HDAC9: variants seen among roughly 807,000 people sequenced by gnomAD.
The protein encoded by HDAC9 is MEF-2 interacting transcription repressor (MITR) protein.
A neutral mutation model predicts 139.4 loss-of-function variants in HDAC9; 41 were observed. The ratio of observed to expected loss-of-function variants is 0.29; its 90% confidence interval spans 0.23 to 0.38. The LOEUF (loss-of-function observed/expected upper bound fraction) is 0.38. HDAC9 is among the 10% of genes least tolerant of loss of function. The pLI, the probability that HDAC9 is intolerant of heterozygous loss-of-function variation, is 1.00. For missense variants in HDAC9, 1,147 were observed against 1,297.0 expected, an observed-to-expected ratio of 0.88 and a Z score of 1.78; for synonymous variants, 517 against 476.2, an observed-to-expected ratio of 1.09 and a Z score of -1.12.
At chr7:18,816,081 CT>C (rs1794542407) in intron 17 of HDAC9, among the ~76,000 whole-genome samples, 1 of 152,166 alleles carries the variant, frequency 6.6e-6, no homozygotes, top group East Asian at 1.9e-4. Flanking sequence ...ATACAAATAA[CT>C]GAGCTTGATT....
At chr7:18,961,543 G>A (rs909718923) in intron 24 of HDAC9, among the ~76,000 whole-genome samples, 1 of 152,190 alleles carries the variant, frequency 6.6e-6, no homozygotes, top group Non-Finnish European at 1.5e-5. Context: ...GGAGAAGGCA[G>A]TATCCTCCGG....
At chr7:18,935,735 T>A in intron 22 of HDAC9, 74 bp from the exon 23 acceptor site, 1 of 1,361,938 alleles carries the variant, frequency 7.3e-7, no homozygotes, top group Non-Finnish European at 1.0e-6. Flanking sequence ...TCAAAATACA[T>A]GCTCAATGTT....
intron 1 of HDAC9, among the ~76,000 whole-genome samples, chr7:18,413,355 T>C (rs1040077232): frequency 2.0e-5 from 3 of 152,148 alleles, no homozygotes; most frequent in African/African-American, 7.2e-5. Flanking sequence ...AAGAATTCTT[T>C]GGAACTAATG....
intron 1 of HDAC9, among the ~76,000 whole-genome samples, chr7:18,135,677 C>T (rs1215501468): frequency 7.0e-6 from 1 of 143,574 alleles, no homozygotes; most frequent in Non-Finnish European, 1.5e-5. Context: ...GTATATGTGC[C>T]ACAGTTTCTT....
At chr7:18,178,025 A>G (rs888400653) in intron 2 of HDAC9, among the ~76,000 whole-genome samples, 1 of 151,700 alleles carries the variant, frequency 6.6e-6, no homozygotes. Context: ...AGTGCTATCC[A>G]CTGAACTTCC....
intron 22 of HDAC9, among the ~76,000 whole-genome samples, chr7:18,896,643 C>G (rs1323878737): frequency 1.3e-5 from 2 of 152,024 alleles, no homozygotes; most frequent in Non-Finnish European, 2.9e-5. Context: ...TAACACAAAG[C>G]TTAATAAAAC....
intron 12 of HDAC9, among the ~76,000 whole-genome samples, chr7:18,708,563 G>C (rs1268630048): frequency 6.6e-6 from 1 of 152,150 alleles, no homozygotes; most frequent in Non-Finnish European, 1.5e-5. Context: ...ATAAACAATA[G>C]AGTTTGTACT....
intron 1 of HDAC9, among the ~76,000 whole-genome samples, chr7:18,146,683 C>T (rs12699970): frequency 0.19 from 29,121 of 152,118 alleles, 2,964 homozygotes; most frequent in South Asian, 0.34. Flanking sequence ...TTCGATTCTT[C>T]TTGTATTTAT....
chr7:18,970,069 G>T (rs1028889437), intron 24 of HDAC9, among the ~76,000 whole-genome samples: 1 of 152,040 alleles, frequency 6.6e-6, no homozygotes, highest in African/African-American at 2.4e-5. Context: ...ATCTTGAGAA[G>T]GATAAATTAA....
chr7:18,167,215 T>G (rs573404088), intron 2 of HDAC9, among the ~76,000 whole-genome samples: 4 of 152,158 alleles, frequency 2.6e-5, no homozygotes, highest in Admixed American at 1.3e-4. Flanking sequence ...TTTTACTACT[T>G]TAACTTCACA....
chr7:18,117,104 GT>G lies in HDAC9; in HGVS notation c.-97+29896del, dbSNP rs201419164. Among the ~76,000 whole-genome samples the G allele has an allele frequency of 8.2e-3, 1,241 of 152,192 alleles. 13 individuals carry two copies. The highest frequency in any genetic ancestry group is 0.028 in the African/African-American group (1,169 of 41,514). On this transcript the variant is annotated intron_variant, in intron 1 of 12. Coordinates refer to the HDAC9 transcript ENST00000417496. ...TGAGAGGGTTGTAGTGGGTTGAATT[GT>G]TTTTCCCCAAGAGGTCTGTTTAAAT...
intron 2 of HDAC9, among the ~76,000 whole-genome samples, chr7:18,252,983 C>T (rs1445756777): frequency 6.6e-6 from 1 of 152,164 alleles, no homozygotes; most frequent in East Asian, 1.9e-4. Flanking sequence ...CATTTAGCTC[C>T]CACTTACAAG....
At chr7:18,329,630 GCTCT>G (rs1354570868) in intron 1 of HDAC9, among the ~76,000 whole-genome samples, 2 of 151,406 alleles carry the variant, frequency 1.3e-5, no homozygotes, top group African/African-American at 2.4e-5. Flanking sequence ...GATATTCTGT[GCTCT>G]CTGATTCACA....
intron 22 of HDAC9, among the ~76,000 whole-genome samples, chr7:18,890,676 T>G (rs944346703): frequency 1.3e-5 from 2 of 152,248 alleles, no homozygotes; most frequent in Non-Finnish European, 2.9e-5. Flanking sequence ...ATTGGAATTA[T>G]ACCACATCCA....
At chr7:18,339,513 G>T (rs1249125317) in intron 1 of HDAC9, among the ~76,000 whole-genome samples, 1 of 151,334 alleles carries the variant, frequency 6.6e-6, no homozygotes, top group Non-Finnish European at 1.5e-5. Context: ...TGTACTATGT[G>T]AAGTAATAGA....
rs1368199395 is a variant in HDAC9 at position 18,997,416 on chromosome 7, G to A, written c.*1354G>A. 6.6e-6 allele frequency: 1 copy of A among 151,972 alleles called. No homozygotes were observed. Among genetic ancestry groups the A allele is most frequent in the Non-Finnish European group, 1.5e-5 (1 of 67,988 alleles). The allele number at this position is 151,972 out of a possible 1,614,324, so 9.4% of individuals were successfully genotyped here. Reference sequence around the variant, plus strand: ...AAAAGTAACTTACTAAATATAAGTAGGTTATCCTCCTACCTCCTAAAATTC... The same window carrying A: ...AAAAGTAACTTACTAAATATAAGTAAGTTATCCTCCTACCTCCTAAAATTC... On this transcript the variant is annotated 3_prime_UTR_variant, in exon 26 of 26. Transcript: ENST00000686413.
intron 1 of HDAC9, among the ~76,000 whole-genome samples, chr7:18,399,200 G>A (rs566870375): frequency 6.6e-6 from 1 of 152,070 alleles, no homozygotes; most frequent in Non-Finnish European, 1.5e-5. Context: ...AAATGACTCT[G>A]CAGGTCAGTG....
At chr7:18,712,161 A>G (rs763871852) in intron 12 of HDAC9, among the ~76,000 whole-genome samples, 1 of 152,096 alleles carries the variant, frequency 6.6e-6, no homozygotes, top group Non-Finnish European at 1.5e-5. Flanking sequence ...CTTAAATTTA[A>G]ATATAATCAC....
At chr7:18,184,619 T>G (rs967754745) in intron 2 of HDAC9, among the ~76,000 whole-genome samples, 15 of 152,186 alleles carry the variant, frequency 9.9e-5, no homozygotes, top group African/African-American at 3.6e-4. Context: ...AAGTTTCAGA[T>G]TTTGGAATAT....
Sources: allele counts gnomAD v4.1 joint callset (sites outside exome capture counted in the v4.1 genomes callset), GRCh38; gene constraint gnomAD v4.1.1; transcripts MANE v1.5; gene names NCBI Gene and HGNC (gene_info 2026-07-23, HGNC 2026-07-21).